SDK1: variants seen among roughly 807,000 people sequenced by gnomAD.
SDK1 encodes the protein sidekick cell adhesion molecule 1.
Under a neutral mutation model 245.5 loss-of-function variants are expected in SDK1, and 157 were observed. That is an observed-to-expected ratio of 0.64 (90% CI 0.56 to 0.73). The LOEUF (loss-of-function observed/expected upper bound fraction) is 0.73, where lower values mean the gene tolerates loss of function less well. Among genes scored for constraint, SDK1 ranks in the 30% least tolerant of loss-of-function variants. The probability of loss-of-function intolerance (pLI) is 0.00; values close to 1 mark genes in which losing one functional copy is unlikely to be tolerated. For synonymous variants in SDK1, 1,647 were observed against 1,278.5 expected (o/e 1.29, Z -6.15); for missense variants, 3,583 against 3,002.3 (o/e 1.19, Z -4.52).
At chr7:3,926,699 C>A (rs1222002804) in intron 5 of SDK1, among the ~76,000 whole-genome samples, 1 of 152,188 alleles carries the variant, frequency 6.6e-6, no homozygotes, top group Non-Finnish European at 1.5e-5. Context: ...TAGACTCATC[C>A]CTTAAAGCCC....
chr7:3,348,847 T>C (rs1015874369), intron 1 of SDK1, among the ~76,000 whole-genome samples: 3 of 152,226 alleles, frequency 2.0e-5, no homozygotes, highest in African/African-American at 7.2e-5. Context: ...GGATGACTTT[T>C]GCTTTTATTA....
intron 1 of SDK1, among the ~76,000 whole-genome samples, chr7:3,346,753 G>C (rs1407935274): frequency 7.8e-6 from 1 of 128,460 alleles, no homozygotes; most frequent in African/African-American, 3.0e-5. Flanking sequence ...ATATATATGT[G>C]TGTGTGTATA....
intron 4 of SDK1, among the ~76,000 whole-genome samples, chr7:3,779,181 A>G (rs7793745): frequency 0.028 from 4,208 of 152,314 alleles, 193 homozygotes; most frequent in African/African-American, 0.098. Flanking sequence ...GACTAGGTAT[A>G]CCATCTGGTC....
chr7:3,648,336 A>T (rs1360402840), intron 4 of SDK1, among the ~76,000 whole-genome samples: 1 of 152,230 alleles, frequency 6.6e-6, no homozygotes, highest in Non-Finnish European at 1.5e-5. Flanking sequence ...TCTTGTGCTC[A>T]AATTGCATCC....
chr7:3,830,250 A>T (rs147696468), intron 5 of SDK1, among the ~76,000 whole-genome samples: 1 of 152,264 alleles, frequency 6.6e-6, no homozygotes, highest in East Asian at 1.9e-4. Flanking sequence ...ATGAGTATTC[A>T]TTTACGTCTC....
At chr7:3,454,837 A>G (rs1780624325) in intron 1 of SDK1, among the ~76,000 whole-genome samples, 1 of 152,116 alleles carries the variant, frequency 6.6e-6, no homozygotes, top group Admixed American at 6.5e-5. Context: ...CCATTTCTCT[A>G]GGATCTGTGC....
chr7:3,712,298 C>G (rs189436157), intron 4 of SDK1, among the ~76,000 whole-genome samples: 3 of 152,254 alleles, frequency 2.0e-5, no homozygotes, highest in Non-Finnish European at 2.9e-5. Flanking sequence ...GTGTGAGGGT[C>G]CTAGGTTGCA....
intron 4 of SDK1, among the ~76,000 whole-genome samples, chr7:3,694,303 T>C (rs951870529): frequency 6.6e-6 from 1 of 151,890 alleles, no homozygotes; most frequent in Non-Finnish European, 1.5e-5. Flanking sequence ...CCCTCCTAGG[T>C]TGGGCAGTGC....
intron 14 of SDK1, among the ~76,000 whole-genome samples, chr7:3,991,666 C>G (rs961838773): frequency 1.3e-5 from 2 of 152,220 alleles, no homozygotes; most frequent in Admixed American, 1.3e-4. Flanking sequence ...TCCCAGCTGT[C>G]TTTCCTTCAG....
chr7:3,741,383 C>T (rs1779469789), intron 4 of SDK1, among the ~76,000 whole-genome samples: 1 of 152,206 alleles, frequency 6.6e-6, no homozygotes, highest in Non-Finnish European at 1.5e-5. Flanking sequence ...CTCTGTGATC[C>T]TGCAGTGGTC....
chr7:4,220,070 G>C, intron 38 of SDK1, 39 bp from the exon 39 acceptor site: 1 of 1,600,280 alleles, frequency 6.2e-7, no homozygotes. Flanking sequence ...GCTTCTCCAG[G>C]CTGAACCCCC....
chr7:3,378,007 G>C (rs1417608549), intron 1 of SDK1, among the ~76,000 whole-genome samples: 2 of 152,032 alleles, frequency 1.3e-5, no homozygotes, highest in East Asian at 3.9e-4. Flanking sequence ...TTGAACTCCT[G>C]GGCTCAAGTG....
intron 14 of SDK1, among the ~76,000 whole-genome samples, chr7:3,988,416 C>T (rs1784041978): frequency 6.6e-6 from 1 of 152,064 alleles, no homozygotes; most frequent in Non-Finnish European, 1.5e-5. Flanking sequence ...CCAAACCATT[C>T]ACCTGCCAGC....
At chr7:3,525,484 GT>G (rs903485486) in intron 1 of SDK1, among the ~76,000 whole-genome samples, 2 of 152,110 alleles carry the variant, frequency 1.3e-5, no homozygotes, top group Admixed American at 6.6e-5. Flanking sequence ...AGTGTGGTTG[GT>G]TAAGGTGGCT....
chr7:3,303,940 T>C (rs1779348615), intron 1 of SDK1, among the ~76,000 whole-genome samples: 1 of 152,204 alleles, frequency 6.6e-6, no homozygotes, highest in South Asian at 2.1e-4. Flanking sequence ...AATGGAATAG[T>C]TACCACTACG....
intron 1 of SDK1, among the ~76,000 whole-genome samples, chr7:3,363,608 G>A (rs1781010864): frequency 6.6e-6 from 1 of 152,184 alleles, no homozygotes; most frequent in Admixed American, 6.5e-5. Flanking sequence ...GGGAGGTGGT[G>A]TGGATGGTTT....
intron 1 of SDK1, among the ~76,000 whole-genome samples, chr7:3,397,577 T>A (rs895883139): frequency 5.3e-5 from 8 of 151,936 alleles, no homozygotes; most frequent in African/African-American, 1.9e-4. Flanking sequence ...GGATTCCCTG[T>A]AATATGCAAG....
intron 27 of SDK1, chr7:4,130,331 C>A: frequency 1.8e-6 from 1 of 554,512 alleles, no homozygotes; most frequent in Non-Finnish European, 3.1e-6. Context: ...TCCCTCATAA[C>A]TCTGCCGTGG....
At chr7:3,369,328 A>T (rs1344110779) in intron 1 of SDK1, among the ~76,000 whole-genome samples, 2 of 152,208 alleles carry the variant, frequency 1.3e-5, no homozygotes, top group African/African-American at 4.8e-5. Flanking sequence ...GACGTGACCC[A>T]GTGCACCCAC....
Sources: gnomAD v4.1 joint callset for allele counts (sites outside exome capture counted in the v4.1 genomes callset) on GRCh38, gnomAD v4.1.1 for gene constraint, MANE v1.5 for transcripts, NCBI Gene and HGNC (gene_info 2026-07-23, HGNC 2026-07-21) for gene names.